The following GFOD1 variants were observed in gnomAD, a reference collection of about 807,000 sequenced individuals.
GFOD1 encodes the protein Gfo/Idh/MocA-like oxidoreductase domain containing 1.
GFOD1 carries 9 observed loss-of-function variants against 25.4 expected under a neutral mutation model. The ratio of observed to expected loss-of-function variants is 0.35; its 90% CI spans 0.21 to 0.62. The LOEUF is 0.62. GFOD1 is among the 20% of genes least tolerant of loss of function. The pLI, the probability that GFOD1 is intolerant of heterozygous loss-of-function variation, is 0.72. For missense variants in GFOD1, 403 were observed against 556.9 expected, an observed-to-expected ratio of 0.72 and a Z score of 2.78; for synonymous variants, 253 against 245.6, an observed-to-expected ratio of 1.03 and a Z score of -0.28.
intron 1 of GFOD1, among the ~76,000 whole-genome samples, chr6:13,442,173 A>G (rs566746358): frequency 6.6e-6 from 1 of 152,358 alleles, no homozygotes; most frequent in Admixed American, 6.5e-5. Flanking sequence ...AGGATGCTGA[A>G]CATTGTATGT....
At chr6:13,400,831 T>A (rs1244362509) in intron 1 of GFOD1, among the ~76,000 whole-genome samples, 1 of 152,162 alleles carries the variant, frequency 6.6e-6, no homozygotes, top group Non-Finnish European at 1.5e-5. Flanking sequence ...TGACAAACTG[T>A]TCTGTGGGAC....
intron 1 of GFOD1, among the ~76,000 whole-genome samples, chr6:13,394,466 ATTTTTTTTTTT>A (rs70989855): frequency 1.3e-4 from 10 of 75,916 alleles, no homozygotes; most frequent in Non-Finnish European, 2.1e-4. Context: ...TACCCTTTGA[ATTTTTTTTTTT>A]TTTTTTTTTT....
At chr6:13,468,608 C>T (rs1000999205) in intron 1 of GFOD1, among the ~76,000 whole-genome samples, 3 of 152,194 alleles carry the variant, frequency 2.0e-5, no homozygotes, top group Non-Finnish European at 4.4e-5. Flanking sequence ...GCAGAGACCT[C>T]GGTTTGGTCC....
chr6:13,479,028 C>T (rs1259936625), intron 1 of GFOD1, among the ~76,000 whole-genome samples: 1 of 148,568 alleles, frequency 6.7e-6, no homozygotes, highest in African/African-American at 2.5e-5. Context: ...GCAAATATGA[C>T]ACCTGAAGCT....
chr6:13,360,451 C>T lies in GFOD1; in HGVS notation c.*4292G>A, dbSNP rs922555826. The T allele has an allele frequency of 4.7e-5, 16 of 342,546 alleles. No individual in the cohort carries two copies. The highest frequency in any genetic ancestry group is 6.6e-5 in the South Asian group (3 of 45,182). 21.2% of individuals were successfully genotyped at this position (342,546 alleles called of 1,614,324 possible). Reference sequence around the variant, plus strand: ...AGCTAAAATTGGAGTGACAAACAAACGAACTTTAAAGCCCCACTCCCTGAG... The same window carrying T: ...AGCTAAAATTGGAGTGACAAACAAATGAACTTTAAAGCCCCACTCCCTGAG... On this transcript the variant is annotated 3_prime_UTR_variant, in exon 2 of 2. Coordinates refer to ENST00000379287, the MANE Select transcript of GFOD1 (RefSeq NM_018988.4).
intron 1 of GFOD1, among the ~76,000 whole-genome samples, chr6:13,477,359 T>C (rs1283122792): frequency 1.3e-5 from 2 of 151,870 alleles, no homozygotes; most frequent in East Asian, 1.9e-4. Context: ...TGGAGACCCA[T>C]AGAAGAGTTG....
chr6:13,486,573 G>A lies in GFOD1; in HGVS notation c.253+65C>T, dbSNP rs530980347. The A allele has an allele frequency of 4.5e-6, 6 of 1,331,450 alleles. No homozygotes were observed. The African/African-American group carries it at 7.4e-5, about 16-fold the overall frequency. 82.5% of individuals were successfully genotyped at this position (1,331,450 alleles called of 1,614,324 possible). On this transcript the variant is annotated intron_variant, in intron 1 of 1. Coordinates refer to ENST00000379287, the MANE Select transcript of GFOD1 (RefSeq NM_018988.4). ...GATGCGGAGAGGGAAAGGCAGGGGG[G>A]AAGGAACCTAGAGAAGGTTAAAGGG...
At chr6:13,447,547 G>C (rs1440184244) in intron 1 of GFOD1, among the ~76,000 whole-genome samples, 1 of 151,830 alleles carries the variant, frequency 6.6e-6, no homozygotes, top group East Asian at 1.9e-4. Flanking sequence ...AGACCAGCCT[G>C]GTCAACATGG....
chr6:13,421,458 C>T (rs975787094), intron 1 of GFOD1, among the ~76,000 whole-genome samples: 1 of 152,118 alleles, frequency 6.6e-6, no homozygotes, highest in Non-Finnish European at 1.5e-5. Context: ...CACACCACTG[C>T]ACTCCAGCCT....
intron 1 of GFOD1, among the ~76,000 whole-genome samples, chr6:13,390,780 A>AGAGAAAGGAAGGAAGG (rs1491481409): frequency 8.5e-6 from 1 of 117,904 alleles, no homozygotes. Context: ...AGAGAGAGAG[A>AGAGAAAGGAAGGAAGG]AAGGAAGGAA....
intron 1 of GFOD1, among the ~76,000 whole-genome samples, chr6:13,397,751 T>C (rs1785763431): frequency 6.6e-6 from 1 of 152,212 alleles, no homozygotes; most frequent in African/African-American, 2.4e-5. Flanking sequence ...ATACCCGGAA[T>C]AACACACAGC....
intron 1 of GFOD1, among the ~76,000 whole-genome samples, chr6:13,459,218 C>A (rs143696885): frequency 2.0e-5 from 3 of 152,060 alleles, no homozygotes; most frequent in African/African-American, 7.2e-5. Flanking sequence ...TTCCAACCAT[C>A]TAATCTTCGA....
chr6:13,392,881 T>A (rs1189687435), intron 1 of GFOD1, among the ~76,000 whole-genome samples: 3 of 148,602 alleles, frequency 2.0e-5, no homozygotes, highest in Non-Finnish European at 3.0e-5. Flanking sequence ...CATAGCAAGA[T>A]GCTGTCCCTA....
chr6:13,391,739 T>A (rs758584475), intron 1 of GFOD1, among the ~76,000 whole-genome samples: 16 of 152,242 alleles, frequency 1.1e-4, no homozygotes, highest in Admixed American at 2.0e-4. Context: ...AGTAACTTAA[T>A]CTCCCTAATC....
chr6:13,466,293 A>G (rs1223199646), intron 1 of GFOD1, among the ~76,000 whole-genome samples: 1 of 152,256 alleles, frequency 6.6e-6, no homozygotes, highest in Non-Finnish European at 1.5e-5. Flanking sequence ...AGATGAGAGA[A>G]GTAAAGTAAA....
chr6:13,400,435 C>A (rs523221), intron 1 of GFOD1, among the ~76,000 whole-genome samples: 109,625 of 151,988 alleles, frequency 0.72, 40,187 homozygotes, highest in South Asian at 0.85. Flanking sequence ...GGCCATACTC[C>A]ATAAAAACAT....
intron 1 of GFOD1, among the ~76,000 whole-genome samples, chr6:13,409,922 CAAAAAAAAAA>C (rs757548005): frequency 1.2e-4 from 9 of 72,086 alleles, no homozygotes; most frequent in Admixed American, 5.3e-4. Flanking sequence ...GGCTCCATTT[CAAAAAAAAAA>C]AAAAAAAAGA....
intron 1 of GFOD1, among the ~76,000 whole-genome samples, chr6:13,460,995 G>A (rs1313755189): frequency 6.6e-6 from 1 of 152,178 alleles, no homozygotes; most frequent in Non-Finnish European, 1.5e-5. Flanking sequence ...TGGCACCTTG[G>A]TCCTGGACTC....
chr6:13,479,591 T>C (rs1433884445), intron 1 of GFOD1, among the ~76,000 whole-genome samples: 1 of 152,252 alleles, frequency 6.6e-6, no homozygotes, highest in Non-Finnish European at 1.5e-5. Flanking sequence ...CTTTTTGTTG[T>C]TGCTCTTCTT....
Sources: gnomAD v4.1 joint callset for allele counts (sites outside exome capture counted in the v4.1 genomes callset) on GRCh38, gnomAD v4.1.1 for gene constraint, MANE v1.5 for transcripts, NCBI Gene and HGNC (gene_info 2026-07-23, HGNC 2026-07-21) for gene names.